Variants in DTD1 observed in about 807,000 individuals in gnomAD.
DTD1 encodes D-tyrosyl-tRNA deacylase 1 homolog.
DTD1 carries 13 observed loss-of-function variants against 25.6 expected under a neutral mutation model. The ratio of observed to expected loss-of-function variants is 0.51; its 90% CI spans 0.33 to 0.81. The LOEUF (loss-of-function observed/expected upper bound fraction) is 0.81, where lower values mean the gene tolerates loss of function less well. DTD1 is among the 30% of genes least tolerant of loss of function. DTD1 has a pLI of 0.02. For missense variants in DTD1, 193 were observed against 266.4 expected (o/e 0.72, Z 1.92); for synonymous variants, 110 against 103.6 (o/e 1.06, Z -0.37).
rs145512884 is a variant in DTD1 at position 18,631,702 on chromosome 20, G to C, written c.477+3469G>C. 170 of 985,376 alleles carry C rather than the reference G, an allele frequency of 1.7e-4. 1 individual carries two copies. The African/African-American group carries it at 2.7e-3, about 15-fold the overall frequency. The allele number at this position is 985,376 out of a possible 1,614,324, so 61.0% of individuals were successfully genotyped here. A position where few individuals can be genotyped will look rare whatever the true frequency, so the allele number is the denominator to read the frequency against. On this transcript the variant is annotated intron_variant, in intron 4 of 5. Transcript: ENST00000377452. ...TGGCTGGAGCCTTGTTTCCCAGGAC[G>C]TCATTCTCTCTGGGTTTTTGTCTTG...
intron 4 of DTD1, among the ~76,000 whole-genome samples, chr20:18,633,744 G>A (rs1185031897): frequency 6.6e-6 from 1 of 152,208 alleles, no homozygotes; most frequent in African/African-American, 2.4e-5. Context: ...CTTCAAATAA[G>A]GGTAGATTCT....
chr20:18,755,672 G>T (rs2061336390), intron 5 of DTD1, among the ~76,000 whole-genome samples: 1 of 152,192 alleles, frequency 6.6e-6, no homozygotes, highest in African/African-American at 2.4e-5. Flanking sequence ...GTCTATCATT[G>T]TTGGACATTT....
At chr20:18,603,355 G>A (rs1357344489) in intron 3 of DTD1, among the ~76,000 whole-genome samples, 2 of 96,926 alleles carry the variant, frequency 2.1e-5, no homozygotes, top group Non-Finnish European at 4.4e-5. Context: ...GTCAACATTA[G>A]ACAGATCAAC....
intron 3 of DTD1, among the ~76,000 whole-genome samples, chr20:18,625,408 G>A (rs1167220585): frequency 6.6e-6 from 1 of 152,220 alleles, no homozygotes; most frequent in Non-Finnish European, 1.5e-5. Flanking sequence ...AGCTTTCCAG[G>A]CACCTTTGAG....
chr20:18,678,250 G>A (rs926679814), intron 4 of DTD1, among the ~76,000 whole-genome samples: 5 of 152,214 alleles, frequency 3.3e-5, no homozygotes, highest in Non-Finnish European at 4.4e-5. Context: ...GGGCCACCTC[G>A]CAGCCCTCTG....
chr20:18,642,456 A>C (rs892704119), intron 4 of DTD1, among the ~76,000 whole-genome samples: 14 of 152,030 alleles, frequency 9.2e-5, no homozygotes, highest in Non-Finnish European at 1.8e-4. Context: ...TATCATAGAG[A>C]CAGGGTCTTG....
intron 2 of DTD1, among the ~76,000 whole-genome samples, chr20:18,595,343 T>C (rs756915972): frequency 2.6e-5 from 4 of 152,150 alleles, no homozygotes. Flanking sequence ...CTTAGCTTAC[T>C]GCAATCTCTG....
At chr20:18,593,128 T>C (rs2060597092) in intron 1 of DTD1, among the ~76,000 whole-genome samples, 1 of 152,150 alleles carries the variant, frequency 6.6e-6, no homozygotes, top group Non-Finnish European at 1.5e-5. Flanking sequence ...TGAAAAATAT[T>C]TGGAGATCAT....
chr20:18,707,140 G>C (rs1319644137), intron 4 of DTD1, among the ~76,000 whole-genome samples: 1 of 152,226 alleles, frequency 6.6e-6, no homozygotes, highest in Non-Finnish European at 1.5e-5. Flanking sequence ...TCTTTATAGT[G>C]AGATGCAGCG....
chr20:18,633,876 C>T (rs1160950371), intron 4 of DTD1, among the ~76,000 whole-genome samples: 1 of 152,220 alleles, frequency 6.6e-6, no homozygotes, highest in East Asian at 1.9e-4. Flanking sequence ...GCAGAACTGG[C>T]TGCTGCAGCA....
intron 5 of DTD1, among the ~76,000 whole-genome samples, chr20:18,750,229 G>A (rs1315296101): frequency 1.3e-5 from 2 of 152,080 alleles, no homozygotes. Context: ...CGTGGGTTTT[G>A]TTCCCCCTTC....
chr20:18,596,160 A>G lies in DTD1; in HGVS notation c.289A>G (p.Met97Val). 3.1e-6 allele frequency: 5 copies of G among 1,614,132 alleles called. No individual in the cohort carries two copies. Among genetic ancestry groups the G allele is most frequent in the Non-Finnish European group, 4.2e-6 (5 of 1,180,018 alleles). ...AAACAAGCCTGATTTCCACCTAGCA[A>G]TGCCCACGGAGCAGGCAGAGGGCTT... Reference protein sequence around the residue: ...KGNKPDFHLAMPTEQAEGFYN... With the variant: ...KGNKPDFHLAVPTEQAEGFYN... The change falls in exon 3 of 6, where the codon ATG becomes GTG. Residue 97 changes from methionine to valine, a missense_variant. By Grantham distance (21) the Met-to-Val change is conservative. Transcript: ENST00000377452.
In DTD1 at chr20:18,735,472, G is replaced by A. The variant is rs529065307; in HGVS notation, c.478-8628G>A. ...TGACAGCTGCCTGGAGGTGGCATGA[G>A]GCGGGCTCTTATTTAACTGACCTCA... On this transcript the variant is annotated intron_variant, in intron 4 of 5. Transcript: ENST00000377452. 3.3e-5 allele frequency among the ~76,000 whole-genome samples: 5 copies of A among 152,340 alleles called. No individual in the cohort carries two copies. The East Asian group carries it at 5.8e-4, about 18-fold the overall frequency.
intron 4 of DTD1, among the ~76,000 whole-genome samples, chr20:18,741,009 T>C (rs539159414): frequency 6.6e-6 from 1 of 152,232 alleles, no homozygotes; most frequent in Non-Finnish European, 1.5e-5. Flanking sequence ...TTTCTCAGAT[T>C]TTAAAAATGC....
At chr20:18,679,440 T>C (rs183907162) in intron 4 of DTD1, among the ~76,000 whole-genome samples, 48 of 152,238 alleles carry the variant, frequency 3.2e-4, no homozygotes, top group Non-Finnish European at 2.4e-4. Flanking sequence ...TTCTAAGGAG[T>C]CTGGGAACTT....
chr20:18,667,564 G>A (rs931844877), intron 4 of DTD1, among the ~76,000 whole-genome samples: 1 of 133,682 alleles, frequency 7.5e-6, no homozygotes, highest in Non-Finnish European at 1.7e-5. Flanking sequence ...TGAAGGGAAG[G>A]TCCCCCCTGG....
intron 3 of DTD1, among the ~76,000 whole-genome samples, chr20:18,600,831 C>T (rs2840220): frequency 2.6e-5 from 4 of 151,656 alleles, no homozygotes; most frequent in African/African-American, 9.7e-5. Context: ...AGATTTATAC[C>T]TAAGTGTTTC....
intron 5 of DTD1, among the ~76,000 whole-genome samples, chr20:18,760,114 G>A (rs1046841960): frequency 1.3e-5 from 2 of 152,070 alleles, no homozygotes; most frequent in African/African-American, 4.8e-5. Flanking sequence ...CTCTGCATTG[G>A]TTATTCTAGT....
At chr20:18,657,196 G>A (rs1027326581) in intron 4 of DTD1, among the ~76,000 whole-genome samples, 1 of 152,074 alleles carries the variant, frequency 6.6e-6, no homozygotes, top group Non-Finnish European at 1.5e-5. Flanking sequence ...TTGGTCACGG[G>A]GACCCCTTAC....
Sources: allele counts gnomAD v4.1 joint callset (sites outside exome capture counted in the v4.1 genomes callset), GRCh38; gene constraint gnomAD v4.1.1; transcripts MANE v1.5; gene names NCBI Gene and HGNC (gene_info 2026-07-23, HGNC 2026-07-21).